Variants in FARP1 observed in about 807,000 individuals in gnomAD.
FARP1 encodes the protein FERM, ARHGEF and pleckstrin domain-containing protein 1.
Under a neutral mutation model 128.8 loss-of-function variants are expected in FARP1, and 52 were observed. The ratio of observed to expected loss-of-function variants is 0.40; its 90% CI spans 0.32 to 0.51. FARP1 has a LOEUF of 0.51. Ranked by LOEUF, FARP1 falls within the 20% of genes least tolerant of loss-of-function variation. The pLI, the probability that FARP1 is intolerant of heterozygous loss-of-function variation, is 0.45. For synonymous variants in FARP1, 580 were observed against 551.8 expected, an observed-to-expected ratio of 1.05 and a Z score of -0.72; for missense variants, 1,333 against 1,367.9, an observed-to-expected ratio of 0.97 and a Z score of 0.40.
At chr13:98,253,820 T>A (rs1333675082) in intron 2 of FARP1, among the ~76,000 whole-genome samples, 1 of 152,204 alleles carries the variant, frequency 6.6e-6, no homozygotes, top group Non-Finnish European at 1.5e-5. Context: ...GTTTTAGGTT[T>A]GCTGTAATGA....
intron 2 of FARP1, among the ~76,000 whole-genome samples, chr13:98,240,587 A>G (rs995483453): frequency 6.6e-6 from 1 of 152,234 alleles, no homozygotes; most frequent in Non-Finnish European, 1.5e-5. Context: ...TTGGGTAGAA[A>G]AAGAAAACAT....
At chr13:98,326,614 C>T (rs889986414) in intron 2 of FARP1, among the ~76,000 whole-genome samples, 5 of 152,172 alleles carry the variant, frequency 3.3e-5, no homozygotes, top group African/African-American at 1.2e-4. Flanking sequence ...GAGGAGAGAA[C>T]AATATGTAAT....
intron 6 of FARP1, among the ~76,000 whole-genome samples, chr13:98,378,766 A>G (rs1296258339): frequency 5.3e-5 from 8 of 150,968 alleles, no homozygotes; most frequent in African/African-American, 1.7e-4. Flanking sequence ...GATGATGTGT[A>G]TCTTCTTGTT....
intron 5 of FARP1, among the ~76,000 whole-genome samples, chr13:98,375,401 G>GA (rs1889538555): frequency 6.6e-6 from 1 of 152,210 alleles, no homozygotes; most frequent in South Asian, 2.1e-4. Flanking sequence ...CCAAATACTT[G>GA]AGGCAAAATT....
Position 98,393,631 on chromosome 13 carries a change from G to A in FARP1, c.1089-12G>A, listed in dbSNP as rs1415021070. On this transcript the variant is annotated splice_polypyrimidine_tract_variant and intron_variant, in intron 11 of 26. Coordinates refer to ENST00000319562, the MANE Select transcript of FARP1 (RefSeq NM_005766.4). The stretch of plus-strand genomic sequence containing the variant: ...TCACCTAACTTTAATGATCTTGTGT[G>A]ATTTTTCCCAGGAAGCACAGCAAGA... 1.9e-6 allele frequency: 3 copies of A among 1,609,776 alleles called. No homozygotes were observed. The highest frequency in any genetic ancestry group is 1.7e-6 in the Non-Finnish European group (2 of 1,176,098).
At chr13:98,280,207 T>C (rs1247695231) in intron 2 of FARP1, among the ~76,000 whole-genome samples, 1 of 152,196 alleles carries the variant, frequency 6.6e-6, no homozygotes, top group Non-Finnish European at 1.5e-5. Flanking sequence ...CAGCAGTGGC[T>C]TCCCCTAGAA....
chr13:98,409,510 TGAGGGCCGGAGGAAGGTACAGGGCC>T lies in FARP1; in HGVS notation c.1594_1602+16del. 6.2e-7 allele frequency: 1 copy of T among 1,611,620 alleles called. No homozygotes were observed. Reference sequence around the variant, plus strand: ...CCTGCCCCCGGACGGACGATGAGGATGAGGGCCGGAGGAAGGTACAGGGCCGAGGGCTCAAGCGCGTGTGTGGCTG... The same window carrying T: ...CCTGCCCCCGGACGGACGATGAGGATGAGGGCTCAAGCGCGTGTGTGGCTG... On this transcript the variant is annotated splice_donor_variant and splice_donor_5th_base_variant and coding_sequence_variant and intron_variant, in exon 14 of 27. Coordinates refer to ENST00000319562, the MANE Select transcript of FARP1 (RefSeq NM_005766.4). LOFTEE classifies it high-confidence loss of function.
chr13:98,222,222 T>C (rs1881452013), intron 2 of FARP1, among the ~76,000 whole-genome samples: 2 of 152,170 alleles, frequency 1.3e-5, no homozygotes, highest in African/African-American at 2.4e-5. Flanking sequence ...TTTTATGGAA[T>C]GTGGTCTTGG....
intron 2 of FARP1, among the ~76,000 whole-genome samples, chr13:98,281,540 C>G (rs2139625681): frequency 6.6e-6 from 1 of 152,252 alleles, no homozygotes; most frequent in Middle Eastern, 3.4e-3. Flanking sequence ...CACTACAGTC[C>G]ACATTCACTC....
At chr13:98,342,610 G>A (rs1888017286) in intron 2 of FARP1, among the ~76,000 whole-genome samples, 1 of 152,152 alleles carries the variant, frequency 6.6e-6, no homozygotes, top group Admixed American at 6.5e-5. Context: ...CGAGGTAGGA[G>A]AATCACTTGA....
chr13:98,314,372 C>T (rs1472201638), intron 2 of FARP1, among the ~76,000 whole-genome samples: 1 of 145,558 alleles, frequency 6.9e-6, no homozygotes, highest in Non-Finnish European at 1.5e-5. Flanking sequence ...CTCCGTCTCC[C>T]GGGTTCAAGC....
At chr13:98,228,560 G>A (rs887170570) in intron 2 of FARP1, among the ~76,000 whole-genome samples, 1 of 152,126 alleles carries the variant, frequency 6.6e-6, no homozygotes, top group Non-Finnish European at 1.5e-5. Context: ...TCTATTGTTT[G>A]TATAGTATAT....
intron 2 of FARP1, among the ~76,000 whole-genome samples, chr13:98,305,823 G>A (rs1886126303): frequency 6.6e-6 from 1 of 151,632 alleles, no homozygotes; most frequent in Non-Finnish European, 1.5e-5. Context: ...CTCCACTTAA[G>A]TTCAACTCAA....
At chr13:98,387,698 C>T (rs1361984535) in intron 8 of FARP1, among the ~76,000 whole-genome samples, 2 of 152,170 alleles carry the variant, frequency 1.3e-5, no homozygotes, top group East Asian at 1.9e-4. Context: ...ACAATGAAGA[C>T]ATGTGAATCC....
At chr13:98,265,844 C>T (rs1343173952) in intron 2 of FARP1, among the ~76,000 whole-genome samples, 1 of 152,166 alleles carries the variant, frequency 6.6e-6, no homozygotes, top group East Asian at 1.9e-4. Flanking sequence ...ACTTCACAGT[C>T]TGATAGAGGA....
chr13:98,265,731 C>T (rs1209814636), intron 2 of FARP1, among the ~76,000 whole-genome samples: 2 of 152,170 alleles, frequency 1.3e-5, no homozygotes, highest in Non-Finnish European at 2.9e-5. Context: ...TGTTGCTTAA[C>T]TGTAAAAATG....
rs571997115 is a variant in FARP1 at position 98,379,628 on chromosome 13, T to C, written c.496+1710T>C. On this transcript the variant is annotated intron_variant, in intron 6 of 26. Transcript: ENST00000319562. ...AGGACCTCCCAAGGACACCAAAAAC[T>C]GAGGATGCTCACGTCCCTGATATAA... 8.5e-5 allele frequency among the ~76,000 whole-genome samples: 13 copies of C among 152,330 alleles called. No homozygotes were observed. In the South Asian group the frequency reaches 2.7e-3, roughly 32 times the overall value.
chr13:98,327,513 A>G (rs1025764353), intron 2 of FARP1, among the ~76,000 whole-genome samples: 5 of 152,232 alleles, frequency 3.3e-5, no homozygotes, highest in Admixed American at 6.5e-5. Context: ...TGAGTTAACA[A>G]TGGAATGTGC....
chr13:98,247,916 C>CACTT (rs1883147039), intron 2 of FARP1, among the ~76,000 whole-genome samples: 1 of 152,214 alleles, frequency 6.6e-6, no homozygotes, highest in South Asian at 2.1e-4. Context: ...GAATGCTGGA[C>CACTT]ACTTGATCAG....
Sources: gnomAD v4.1 joint callset for allele counts (sites outside exome capture counted in the v4.1 genomes callset) on GRCh38, gnomAD v4.1.1 for gene constraint, MANE v1.5 for transcripts, NCBI Gene and HGNC (gene_info 2026-07-23, HGNC 2026-07-21) for gene names.